Variants in TCF12 observed in about 807,000 individuals in gnomAD.
TCF12 encodes DNA-binding protein HTF4.
A neutral mutation model predicts 86.0 loss-of-function variants in TCF12; 45 were observed. The observed-to-expected ratio is 0.52, with a 90% CI of 0.41 to 0.67. The LOEUF (loss-of-function observed/expected upper bound fraction) is 0.67. Ranked by LOEUF, TCF12 falls within the 30% of genes least tolerant of loss-of-function variation. The pLI, the probability that TCF12 is intolerant of heterozygous loss-of-function variation, is 0.00. For synonymous variants in TCF12, 330 were observed against 299.6 expected (o/e 1.10, Z -1.05); for missense variants, 881 against 859.9 (o/e 1.02, Z -0.31).
At chr15:57,080,717 A>G (rs1374258306) in intron 4 of TCF12, among the ~76,000 whole-genome samples, 10 of 152,218 alleles carry the variant, frequency 6.6e-5, no homozygotes, top group Non-Finnish European at 2.9e-5. Context: ...CAGCTAGGCC[A>G]TTCGGATGCC....
At chr15:57,251,541 C>CA in intron 14 of TCF12, 118 bp downstream of exon 14, 3 of 955,072 alleles carry the variant, frequency 3.1e-6, no homozygotes, top group Non-Finnish European at 4.8e-6. Flanking sequence ...TCTTTGCTAA[C>CA]AAATGGCTGA....
intron 8 of TCF12, among the ~76,000 whole-genome samples, chr15:57,209,345 T>A (rs1425899616): frequency 6.6e-6 from 1 of 152,138 alleles, no homozygotes; most frequent in Non-Finnish European, 1.5e-5. Context: ...AGCAGGAAAA[T>A]TACAGGTAAT....
At chr15:56,966,855 G>A (rs1178050436) in intron 3 of TCF12, among the ~76,000 whole-genome samples, 1 of 152,210 alleles carries the variant, frequency 6.6e-6, no homozygotes, top group East Asian at 1.9e-4. Context: ...GGGCACGGTG[G>A]CTCACGCCTG....
intron 6 of TCF12, among the ~76,000 whole-genome samples, chr15:57,173,479 C>T (rs1487945820): frequency 6.6e-6 from 1 of 151,998 alleles, no homozygotes; most frequent in African/African-American, 2.4e-5. Flanking sequence ...ATAAAGTTAA[C>T]CCCTAGCTAG....
At chr15:57,101,577 G>A (rs953895645) in intron 5 of TCF12, among the ~76,000 whole-genome samples, 4 of 152,204 alleles carry the variant, frequency 2.6e-5, no homozygotes, top group Non-Finnish European at 5.9e-5. Flanking sequence ...TTTCTGATAC[G>A]TACGCATGTG....
chr15:57,252,271 C>G, intron 14 of TCF12, 150 bp from the exon 15 acceptor site: 1 of 571,212 alleles, frequency 1.8e-6, no homozygotes, highest in Middle Eastern at 2.7e-4. Context: ...GAATCCCAGC[C>G]TTTTCATATC....
chr15:57,031,868 A>G (rs1180775889), intron 3 of TCF12, among the ~76,000 whole-genome samples: 2 of 152,126 alleles, frequency 1.3e-5, no homozygotes, highest in African/African-American at 4.8e-5. Context: ...GTCCCAGGCA[A>G]TCACATGGTA....
chr15:57,045,319 T>G lies in TCF12; in HGVS notation c.149-18431T>G, dbSNP rs150809396. 9.5e-3 allele frequency among the ~76,000 whole-genome samples: 1,441 copies of G among 152,324 alleles called. 15 individuals carry two copies. The highest frequency in any genetic ancestry group is 0.02 in the Middle Eastern group (6 of 294). On this transcript the variant is annotated intron_variant, in intron 3 of 20. Transcript: ENST00000333725. ...ATACGTCAAATTCTTTTTTTCCCCATAAGATGAATACTGTTTCTTTTTTAT... is the reference window on the plus strand; with the variant it reads ...ATACGTCAAATTCTTTTTTTCCCCAGAAGATGAATACTGTTTCTTTTTTAT...
chr15:57,283,505 T>A (rs1335287114), intron 20 of TCF12, among the ~76,000 whole-genome samples: 1 of 152,310 alleles, frequency 6.6e-6, no homozygotes, highest in Admixed American at 6.5e-5. Context: ...CCTCAGGTGA[T>A]CCACCCGCCT....
At chr15:57,111,586 C>CTTTTTTTT (rs1166862090) in intron 5 of TCF12, among the ~76,000 whole-genome samples, 1 of 115,468 alleles carries the variant, frequency 8.7e-6, no homozygotes, top group African/African-American at 3.3e-5. Context: ...GTTTGTTTAT[C>CTTTTTTTT]TTTTTTTTTT....
intron 6 of TCF12, among the ~76,000 whole-genome samples, chr15:57,183,683 A>G (rs2056494816): frequency 0.028 from 1 of 36 alleles, no homozygotes. Flanking sequence ...TGGGGAAAGA[A>G]AAAAATGAAA....
At chr15:57,081,401 C>G (rs1355752206) in intron 4 of TCF12, among the ~76,000 whole-genome samples, 1 of 152,132 alleles carries the variant, frequency 6.6e-6, no homozygotes, top group Admixed American at 6.5e-5. Flanking sequence ...TTCTGTGCCT[C>G]TTGCCTCATC....
chr15:57,103,127 G>A (rs1407004372), intron 5 of TCF12, among the ~76,000 whole-genome samples: 1 of 152,176 alleles, frequency 6.6e-6, no homozygotes, highest in African/African-American at 2.4e-5. Context: ...AATAAAAAAA[G>A]TATACTGTTG....
At chr15:57,097,247 T>TG in intron 5 of TCF12, among the ~76,000 whole-genome samples, 1 of 152,234 alleles carries the variant, frequency 6.6e-6, no homozygotes, top group African/African-American at 2.4e-5. Context: ...CCCTCAAAAG[T>TG]TAACTCTTTT....
intron 3 of TCF12, among the ~76,000 whole-genome samples, chr15:56,940,744 CCTCCTTCTCCTT>C (rs72073466): frequency 4.4e-4 from 52 of 117,020 alleles, no homozygotes; most frequent in Non-Finnish European, 5.8e-4. Flanking sequence ...CCCCCCTTCT[CCTCCTTCTCCTT>C]CTCCTTCTCC....
intron 8 of TCF12, among the ~76,000 whole-genome samples, chr15:57,200,144 G>A (rs2057468320): frequency 6.7e-6 from 1 of 149,672 alleles, no homozygotes. Flanking sequence ...GCCTCTCAAA[G>A]TGCTGGGATT....
chr15:57,055,322 A>G (rs1748237727), intron 3 of TCF12, among the ~76,000 whole-genome samples: 1 of 152,150 alleles, frequency 6.6e-6, no homozygotes, highest in African/African-American at 2.4e-5. Context: ...GAATCGCTTG[A>G]ACCTGGAGGC....
At chr15:57,228,741 A>T (rs1333686097) in intron 8 of TCF12, among the ~76,000 whole-genome samples, 1 of 143,040 alleles carries the variant, frequency 7.0e-6, no homozygotes, top group Non-Finnish European at 1.6e-5. Flanking sequence ...TCAAAATTTA[A>T]AAATGTAAGT....
At chr15:57,229,550 G>A (rs575135147) in intron 8 of TCF12, among the ~76,000 whole-genome samples, 349 of 150,562 alleles carry the variant, frequency 2.3e-3, no homozygotes, top group African/African-American at 8.1e-3. Context: ...GGACTAGCAC[G>A]AAGAGTAAAA....
Sources: gnomAD v4.1 joint callset for allele counts (sites outside exome capture counted in the v4.1 genomes callset) on GRCh38, gnomAD v4.1.1 for gene constraint, MANE v1.5 for transcripts, NCBI Gene and HGNC (gene_info 2026-07-23, HGNC 2026-07-21) for gene names.